ARMC2: variants seen among roughly 807,000 people sequenced by gnomAD.
ARMC2 encodes the protein armadillo repeat-containing protein 2.
A neutral mutation model predicts 90.3 loss-of-function variants in ARMC2; 67 were observed. That is an observed-to-expected ratio of 0.74 (90% CI 0.61 to 0.91). The LOEUF (loss-of-function observed/expected upper bound fraction) is 0.91. Ranked by LOEUF, ARMC2 falls within the 40% of genes least tolerant of loss-of-function variation. The probability of loss-of-function intolerance (pLI) is 0.00; values close to 1 mark genes in which losing one functional copy is unlikely to be tolerated. For synonymous variants in ARMC2, 393 were observed against 393.0 expected (o/e 1.00, Z 0.00); for missense variants, 920 against 1,030.9 (o/e 0.89, Z 1.47).
chr6:108,971,246 C>T (rs1324340527), intron 17 of ARMC2, among the ~76,000 whole-genome samples: 1 of 152,106 alleles, frequency 6.6e-6, no homozygotes, highest in Non-Finnish European at 1.5e-5. Context: ...ACTGAGACTA[C>T]CTGACTCTTT....
the ARMC2 span, among the ~76,000 whole-genome samples, chr6:109,003,781 A>C: frequency 2.6e-5 from 4 of 152,224 alleles, no homozygotes; most frequent in African/African-American, 9.6e-5. Flanking sequence ...CACCAATAGC[A>C]GCCATTTATA....
chr6:108,956,644 T>C lies in ARMC2; in HGVS notation c.1915+3293T>C, dbSNP rs1777605630. Among the ~76,000 whole-genome samples the C allele has an allele frequency of 2.6e-5, 4 of 151,890 alleles. No individual in the cohort carries two copies. In the South Asian group the frequency reaches 8.3e-4, roughly 32 times the overall value. ...TGAGCCCAGGAAGTCAAGGCTGCAG[T>C]GAGCCATGCTTACACCACTGCACTC... is the stretch of plus-strand genomic sequence containing the variant. On this transcript the variant is annotated intron_variant, in intron 13 of 17. Coordinates refer to ENST00000392644, the MANE Select transcript of ARMC2 (RefSeq NM_032131.6).
chr6:108,928,125 T>C lies in ARMC2; in HGVS notation c.1388T>C (p.Leu463Ser). 6.2e-7 allele frequency: 1 copy of C among 1,613,058 alleles called. No individual in the cohort carries two copies. Among genetic ancestry groups the C allele is most frequent in the Non-Finnish European group, 8.5e-7 (1 of 1,179,568 alleles). ...TTGAGAAACTTGGTTGATTCATCAT[T>C]AGTAAGAAGTAAGTTCCTAAACATC... ...ATLRNLVDSS[L>S]VRSKFLNISA... Residue 463 changes from leucine (L) to serine (S), a missense_variant, in exon 11 of 18, where the codon TTA becomes TCA. Coordinates refer to ENST00000392644, the MANE Select transcript of ARMC2 (RefSeq NM_032131.6).
Position 108,904,421 on chromosome 6 carries a change from C to A in ARMC2, c.1023+16C>A, listed in dbSNP as rs753545482. 1 of 1,594,530 alleles carries A rather than the reference C, an allele frequency of 6.3e-7. No individual in the cohort carries two copies. Among genetic ancestry groups the A allele is most frequent in the Non-Finnish European group, 8.5e-7 (1 of 1,172,086 alleles). ...AATTCTAGCAGTAAGTTTTTCTTTC[C>A]TCTGGTCTAGTAGACTATATCACAT... On this transcript the variant is annotated intron_variant, in intron 8 of 17. Transcript: ENST00000392644.
chr6:108,891,530 G>A (rs183038733), intron 5 of ARMC2, among the ~76,000 whole-genome samples: 1 of 152,112 alleles, frequency 6.6e-6, no homozygotes, highest in African/African-American at 2.4e-5. Context: ...AAATATATTT[G>A]TTGGCCGCAT....
the ARMC2 span, among the ~76,000 whole-genome samples, chr6:109,003,214 A>AT: frequency 6.6e-6 from 1 of 151,520 alleles, no homozygotes; most frequent in Non-Finnish European, 1.5e-5. Context: ...TCATTTAAAA[A>AT]TTTTTTTTAG....
intron 6 of ARMC2, 107 bp downstream of exon 6, chr6:108,894,650 A>G: frequency 2.1e-6 from 2 of 945,134 alleles, no homozygotes; most frequent in Non-Finnish European, 3.1e-6. Context: ...AAGTTTGTCC[A>G]ATTTGGTCAC....
Position 108,899,595 on chromosome 6 carries a change from GT to G in ARMC2, c.749-96del, listed in dbSNP as rs1771922286. The G allele has an allele frequency of 5.9e-6, 5 of 845,706 alleles. No homozygotes were observed. In the Admixed American group the frequency reaches 9.6e-5, roughly 16 times the overall value. The allele number at this position is 845,706 out of a possible 1,614,324, so 52.4% of individuals were successfully genotyped here. A position where few individuals can be genotyped will look rare whatever the true frequency, so the allele number is the denominator to read the frequency against. On this transcript the variant is annotated intron_variant, in intron 6 of 17. Transcript: ENST00000392644. ...GAGCAAAGGGTAATTTAATTCTCTAGTTTATTAATTGTAGTGATGAATAGTA... is the reference window on the plus strand; with the variant it reads ...GAGCAAAGGGTAATTTAATTCTCTAGTTATTAATTGTAGTGATGAATAGTA...
the ARMC2 span, among the ~76,000 whole-genome samples, chr6:109,036,626 A>G: frequency 0.1 from 15,206 of 152,214 alleles, 921 homozygotes; most frequent in Middle Eastern, 0.19. Flanking sequence ...TATGATAAAA[A>G]AAATTTTTTT....
the ARMC2 span, among the ~76,000 whole-genome samples, chr6:109,002,798 A>C: frequency 1.3e-5 from 2 of 152,246 alleles, no homozygotes; most frequent in African/African-American, 4.8e-5. Context: ...ATCTAAAACA[A>C]CACCTCACGG....
At chr6:108,892,821 A>T (rs1203310101) in intron 5 of ARMC2, among the ~76,000 whole-genome samples, 2 of 151,798 alleles carry the variant, frequency 1.3e-5, no homozygotes, top group Non-Finnish European at 2.9e-5. Flanking sequence ...GTATTTGGAG[A>T]AGCTAATCTT....
intron 14 of ARMC2, 76 bp from the exon 15 acceptor site, chr6:108,961,938 T>C: frequency 1.8e-6 from 2 of 1,087,158 alleles, no homozygotes; most frequent in Non-Finnish European, 2.7e-6. Context: ...CAGTATTAAG[T>C]ATGATGTTGA....
intron 12 of ARMC2, among the ~76,000 whole-genome samples, chr6:108,940,531 G>A (rs765402714): frequency 1.3e-5 from 2 of 152,136 alleles, no homozygotes; most frequent in Non-Finnish European, 2.9e-5. Context: ...TATACAAATG[G>A]TGTTTTTGCT....
chr6:108,877,465 A>C (rs1414465989), intron 5 of ARMC2, among the ~76,000 whole-genome samples: 1 of 152,206 alleles, frequency 6.6e-6, no homozygotes. Context: ...TTAAAGGAAA[A>C]ATGAAATGTC....
intron 6 of ARMC2, among the ~76,000 whole-genome samples, chr6:108,898,235 G>A (rs1264642380): frequency 3.3e-5 from 5 of 151,936 alleles, no homozygotes; most frequent in African/African-American, 9.7e-5. Context: ...CCATATACCC[G>A]TTTGCTCCTC....
chr6:108,859,795 C>A (rs115303303), intron 3 of ARMC2, among the ~76,000 whole-genome samples: 1,796 of 152,086 alleles, frequency 0.012, 33 homozygotes, highest in African/African-American at 0.042. Context: ...ACCTGGGGTC[C>A]GGAGTTCGAG....
At chr6:109,035,775 C>T in the ARMC2 span, among the ~76,000 whole-genome samples, 1 of 151,996 alleles carries the variant, frequency 6.6e-6, no homozygotes, top group South Asian at 2.1e-4. Flanking sequence ...TAATTTATTT[C>T]TATTTTTATT....
Position 108,962,095 on chromosome 6 carries a change from A to G in ARMC2, c.2120A>G (p.His707Arg), listed in dbSNP as rs144239422. The G allele has an allele frequency of 9.9e-6, 16 of 1,612,406 alleles. No individual in the cohort carries two copies. In the African/African-American group the frequency reaches 1.9e-4, roughly 19 times the overall value. ...VRVFGNLSQDHDVCDFIVQNN... is the reference protein window; with the variant it reads ...VRVFGNLSQDRDVCDFIVQNN... ...GTTTTCGGAAATCTCTCCCAGGACC[A>G]TGATGTCTGCGATTTCATTGTGCAG... The change falls in exon 15 of 18, where the codon CAT (histidine) becomes CGT (arginine). Residue 707 changes from histidine (H) to arginine (R), a missense_variant. Transcript: ENST00000392644.
At chr6:108,873,643 TC>T (rs1415352201) in intron 4 of ARMC2, among the ~76,000 whole-genome samples, 5 of 152,218 alleles carry the variant, frequency 3.3e-5, no homozygotes, top group Non-Finnish European at 7.3e-5. Context: ...TATAGGCCCT[TC>T]TAAAACTGGG....
Sources: allele counts gnomAD v4.1 joint callset (sites outside exome capture counted in the v4.1 genomes callset), GRCh38; gene constraint gnomAD v4.1.1; transcripts MANE v1.5; gene names NCBI Gene and HGNC (gene_info 2026-07-23, HGNC 2026-07-21).